Variants in C18orf54 observed in about 807,000 individuals in gnomAD.
C18orf54 encodes lung adenoma susceptibility protein 2.
In C18orf54, 49 loss-of-function variants were observed where a neutral mutation model predicts 49.3. The ratio of observed to expected loss-of-function variants is 0.99; its 90% confidence interval spans 0.79 to 1.26. C18orf54 has a LOEUF of 1.26. Among genes scored for constraint, C18orf54 ranks in the 50% most tolerant of loss-of-function variants. C18orf54 has a pLI of 0.00. For synonymous variants in C18orf54, 211 were observed against 216.6 expected, an observed-to-expected ratio of 0.97 and a Z score of 0.23; for missense variants, 687 against 620.6, an observed-to-expected ratio of 1.11 and a Z score of -1.14.
chr18:54,364,563 G>A (rs114977883), intron 5 of C18orf54, among the ~76,000 whole-genome samples: 3,204 of 152,108 alleles, frequency 0.021, 72 homozygotes, highest in African/African-American at 0.063. Flanking sequence ...AAACAAAATT[G>A]AATAGGAAGT....
Position 54,362,303 on chromosome 18 carries a change from C to G in C18orf54, c.944C>G (p.Pro315Arg). 1 of 1,536,146 alleles carries G rather than the reference C, an allele frequency of 6.5e-7. No homozygotes were observed. The highest frequency in any genetic ancestry group is 8.7e-7 in the Non-Finnish European group (1 of 1,146,884). The change falls in exon 4 of 9, where the codon CCC becomes CGC. Residue 315 changes from proline to arginine, a missense_variant. Transcript: ENST00000620105. ...GATTGTTTTGAATATGCTTTTGAACCCTCAAACTTTTCAAATTCCTTGAGT... is the reference window on the plus strand; with the variant it reads ...GATTGTTTTGAATATGCTTTTGAACGCTCAAACTTTTCAAATTCCTTGAGT... ...KLDCFEYAFE[P>R]SNFSNSLSDD...
In C18orf54 at chr18:54,380,180, CTAAA is replaced by C. The variant is rs967781387; in HGVS notation, c.*1938_*1941del. ...AAGTGATAAACATTCAAGAAATTCT[CTAAA>C]TAAGAGATTTATTTATAATTTTAAT... On this transcript the variant is annotated 3_prime_UTR_variant, in exon 9 of 9. Transcript: ENST00000620105. The C allele has an allele frequency of 1.3e-5, 2 of 151,956 alleles. No individual in the cohort carries two copies. Among genetic ancestry groups the C allele is most frequent in the African/African-American group, 2.4e-5 (1 of 41,416 alleles). 9.4% of individuals were successfully genotyped at this position (151,956 alleles called of 1,614,324 possible). A position where few individuals can be genotyped will look rare whatever the true frequency, so the allele number is the denominator to read the frequency against.
At chr18:54,373,955 A>G (rs1400887409) in intron 7 of C18orf54, among the ~76,000 whole-genome samples, 2 of 151,860 alleles carry the variant, frequency 1.3e-5, no homozygotes, top group African/African-American at 4.8e-5. Flanking sequence ...CCTGTTCAAT[A>G]AAGTCATAAT....
At position 54,365,737 on chromosome 18, in the gene C18orf54, T is replaced by G. The variant is rs751750581; in HGVS notation, c.1242T>G (p.Val414=). The G allele has an allele frequency of 6.3e-7, 1 of 1,595,566 alleles. No individual in the cohort carries two copies. Among genetic ancestry groups the G allele is most frequent in the Admixed American group, 1.7e-5 (1 of 59,824 alleles). ...IPVTFKSPVP[V]NSDDSPQQTS... Reference sequence around the variant, plus strand: ...TGTTTAGCAAATCTCCTGTTCCCGTTAACTCTGATGATAGTCCTCAACAAA... The same window carrying G: ...TGTTTAGCAAATCTCCTGTTCCCGTGAACTCTGATGATAGTCCTCAACAAA... Residue 414 remains valine (V), a synonymous_variant, in exon 6 of 9, where the codon GTT becomes GTG. Coordinates refer to ENST00000620105, the MANE Select transcript of C18orf54 (RefSeq NM_001288980.2).
rs529138540 is a variant in C18orf54, at chr18:54,362,154, G to C, written c.795G>C (p.Leu265=). Residue 265 remains leucine (L), a synonymous_variant, in exon 4 of 9, where the codon CTG becomes CTC. Coordinates refer to ENST00000620105, the MANE Select transcript of C18orf54 (RefSeq NM_001288980.2). The stretch of plus-strand genomic sequence containing the variant: ...CTGATTTCAAATACCCAGTCTGGCT[G>C]CACAATCAAGACTTGCTACCTGATG... ...SIPDFKYPVW[L]HNQDLLPDAN... 248 of 1,536,238 alleles carry C rather than the reference G, an allele frequency of 1.6e-4. No individual in the cohort carries two copies. Among genetic ancestry groups the C allele is most frequent in the African/African-American group, 8.5e-4 (62 of 73,156 alleles).
Position 54,361,771 on chromosome 18 carries a change from TCTTATA to T in C18orf54, c.418_423del (p.Thr140_Tyr141del), listed in dbSNP as rs750357591. The T allele has an allele frequency of 6.2e-7, 1 of 1,614,114 alleles. No homozygotes were observed. The highest frequency in any genetic ancestry group is 2.2e-5 in the East Asian group (1 of 44,882). ...AAGACTCCCAGCAGATGGATCATTT[TCTTATA>T]CTTATGTTGGACCGAGTCACCGAAC... is the stretch of plus-strand genomic sequence containing the variant. On this transcript the variant is annotated inframe_deletion, in exon 4 of 9. Coordinates refer to ENST00000620105, the MANE Select transcript of C18orf54 (RefSeq NM_001288980.2).
rs1430809106 is a variant in C18orf54, at chr18:54,362,375, GCCAGTGTCAATGTGAGAAT to G, written c.1020_1038del (p.Gln340HisfsTer21). ...GAATACAAATGTGATTTTGAACATA[GCCAGTGTCAATGTGAGAAT>G]CCACTTCTCCCAGGACAATCCACAA... On this transcript the variant is annotated frameshift_variant, in exon 4 of 9. Transcript: ENST00000620105. LOFTEE classifies it high-confidence loss of function. The G allele has an allele frequency of 6.5e-7, 1 of 1,534,610 alleles. No individual in the cohort carries two copies. The highest frequency in any genetic ancestry group is 2.4e-5 in the East Asian group (1 of 40,892).
At chr18:54,369,145 C>T (rs926075111) in intron 6 of C18orf54, among the ~76,000 whole-genome samples, 2 of 152,180 alleles carry the variant, frequency 1.3e-5, no homozygotes, top group Admixed American at 6.5e-5. Context: ...AGTTTGCCAA[C>T]CCACATATAC....
chr18:54,372,633 G>A, intron 7 of C18orf54, 36 bp downstream of exon 7: 1 of 1,514,112 alleles, frequency 6.6e-7, no homozygotes, highest in Non-Finnish European at 8.9e-7. Context: ...TGAGATTTGT[G>A]AATTTGTATA....
chr18:54,365,785 A>G lies in C18orf54; in HGVS notation c.1290A>G (p.Lys430=), dbSNP rs1042566467. The G allele has an allele frequency of 2.5e-6, 4 of 1,594,256 alleles. No individual in the cohort carries two copies. In the African/African-American group the frequency reaches 5.4e-5, roughly 21 times the overall value. ...AAACTTCAAGGGCAAAGAGTGCTAA[A>G]GGGGTTCTTGAAGACTTTCTAAATA... ...PQQTSRAKSA[K]GVLEDFLNND... is the part of the protein sequence containing the mutation. Residue 430 remains lysine, a synonymous_variant, in exon 6 of 9, where the codon AAA becomes AAG. Coordinates refer to ENST00000620105, the MANE Select transcript of C18orf54 (RefSeq NM_001288980.2).
At chr18:54,371,547 A>T (rs1401936430) in intron 6 of C18orf54, among the ~76,000 whole-genome samples, 1 of 152,020 alleles carries the variant, frequency 6.6e-6, no homozygotes, top group Non-Finnish European at 1.5e-5. Flanking sequence ...TCTATGTTTA[A>T]TTTCTTGTGG....
intron 5 of C18orf54, among the ~76,000 whole-genome samples, chr18:54,365,178 A>C (rs1409978212): frequency 6.6e-6 from 1 of 152,046 alleles, no homozygotes; most frequent in Admixed American, 6.5e-5. Flanking sequence ...TTAAGGTCAT[A>C]TAGTGAGTGG....
chr18:54,369,815 A>G (rs945978240), intron 6 of C18orf54, among the ~76,000 whole-genome samples: 1 of 152,062 alleles, frequency 6.6e-6, no homozygotes, highest in Non-Finnish European at 1.5e-5. Context: ...ATAACAAAAT[A>G]CTGTTTTCCA....
At chr18:54,368,518 C>T (rs1169746308) in intron 6 of C18orf54, among the ~76,000 whole-genome samples, 2 of 151,990 alleles carry the variant, frequency 1.3e-5, no homozygotes, top group Non-Finnish European at 2.9e-5. Flanking sequence ...TGCATTATCT[C>T]AGAGGGCTCA....
Position 54,360,794 on chromosome 18 carries a change from C to T in C18orf54, c.222C>T (p.Asn74=), listed in dbSNP as rs1222065653. Residue 74 remains asparagine (N), a synonymous_variant, in exon 3 of 9, where the codon AAC becomes AAT. Coordinates refer to ENST00000620105, the MANE Select transcript of C18orf54 (RefSeq NM_001288980.2). The stretch of plus-strand genomic sequence containing the variant: ...CTGGTGCAAGCACTGGAAAAATTAA[C>T]ATTGATGAGGATTTTACTAATATGT... The part of the protein sequence containing the change: ...IYPGASTGKI[N]IDEDFTNMSQ... 8 of 1,613,310 alleles carry T rather than the reference C, an allele frequency of 5.0e-6. No individual in the cohort carries two copies. Among genetic ancestry groups the T allele is most frequent in the Non-Finnish European group, 6.8e-6 (8 of 1,179,450 alleles).
At chr18:54,363,061 T>C (rs988399506) in intron 5 of C18orf54, 140 bp downstream of exon 5, 2 of 824,520 alleles carry the variant, frequency 2.4e-6, no homozygotes, top group Non-Finnish European at 3.6e-6. Flanking sequence ...TGCTTTAAAT[T>C]GCATTTTTCA....
Position 54,380,569 on chromosome 18 carries a change from T to C in C18orf54, c.*2323T>C, listed in dbSNP as rs1438660140. The C allele has an allele frequency of 6.6e-6, 1 of 152,130 alleles. No homozygotes were observed. Among genetic ancestry groups the C allele is most frequent in the Non-Finnish European group, 1.5e-5 (1 of 67,960 alleles). 9.4% of individuals were successfully genotyped at this position (152,130 alleles called of 1,614,324 possible). A position where few individuals can be genotyped will look rare whatever the true frequency, so the allele number is the denominator to read the frequency against. ...CTACTTTCAGTTGTTTCTCAGACAG[T>C]TAATTTCAGCTTCATAGAGATTTCT... is the stretch of plus-strand genomic sequence containing the variant. On this transcript the variant is annotated 3_prime_UTR_variant, in exon 9 of 9. Transcript: ENST00000620105.
chr18:54,371,598 C>T (rs141203216), intron 6 of C18orf54, among the ~76,000 whole-genome samples: 110 of 152,156 alleles, frequency 7.2e-4, no homozygotes, highest in African/African-American at 2.6e-3. Flanking sequence ...AGCATTTTAC[C>T]TTTCCGCTCC....
intron 5 of C18orf54, among the ~76,000 whole-genome samples, chr18:54,363,737 G>A (rs2089320401): frequency 1.3e-5 from 2 of 151,886 alleles, no homozygotes; most frequent in Non-Finnish European, 2.9e-5. Context: ...TCATGCCTTA[G>A]GCTTTGATAA....
Sources: gnomAD v4.1 joint callset for allele counts (sites outside exome capture counted in the v4.1 genomes callset) on GRCh38, gnomAD v4.1.1 for gene constraint, MANE v1.5 for transcripts, NCBI Gene and HGNC (gene_info 2026-07-23, HGNC 2026-07-21) for gene names.